The following MYO3A variants were observed in gnomAD, a reference collection of about 807,000 sequenced individuals.
MYO3A encodes the protein myosin IIIA, also known as myosin-IIIa.
Under a neutral mutation model 192.7 loss-of-function variants are expected in MYO3A, and 180 were observed. The ratio of observed to expected loss-of-function variants is 0.93; its 90% confidence interval spans 0.83 to 1.06. MYO3A has a LOEUF of 1.06. MYO3A is among the 50% of genes least tolerant of loss of function. The pLI is 0.00. For synonymous variants in MYO3A, 628 were observed against 645.3 expected, an observed-to-expected ratio of 0.97 and a Z score of 0.41; for missense variants, 1,896 against 1,905.0, an observed-to-expected ratio of 1.00 and a Z score of 0.09.
intron 4 of MYO3A, among the ~76,000 whole-genome samples, chr10:25,957,468 T>C (rs1837626931): frequency 6.6e-6 from 1 of 152,188 alleles, no homozygotes; most frequent in Non-Finnish European, 1.5e-5. Context: ...TATGTCTTTA[T>C]CAGCAGTGTG....
chr10:25,971,850 G>A (rs1367020931), intron 4 of MYO3A, among the ~76,000 whole-genome samples: 1 of 151,872 alleles, frequency 6.6e-6, no homozygotes, highest in Non-Finnish European at 1.5e-5. Flanking sequence ...TTTTGTTTGT[G>A]TGTTTGTTTG....
chr10:26,041,613 A>C (rs1843352660), intron 10 of MYO3A, among the ~76,000 whole-genome samples: 1 of 151,922 alleles, frequency 6.6e-6, no homozygotes. Context: ...ATTTGAGGCC[A>C]CCACAAGGCT....
chr10:26,026,794 C>T (rs937921629), intron 10 of MYO3A, among the ~76,000 whole-genome samples: 14 of 152,228 alleles, frequency 9.2e-5, no homozygotes, highest in African/African-American at 2.2e-4. Context: ...CTCCACCTCC[C>T]GGGTTCAAGC....
At chr10:25,947,851 G>T (rs1438873005) in intron 2 of MYO3A, among the ~76,000 whole-genome samples, 1 of 152,134 alleles carries the variant, frequency 6.6e-6, no homozygotes, top group South Asian at 2.1e-4. Context: ...AGTCTTTGAA[G>T]TACATCAGTG....
intron 6 of MYO3A, among the ~76,000 whole-genome samples, chr10:26,005,915 G>T (rs1420575826): frequency 6.6e-6 from 1 of 152,020 alleles, no homozygotes; most frequent in African/African-American, 2.4e-5. Flanking sequence ...TACCTTATTT[G>T]AAAGGCAAGG....
At chr10:26,077,824 T>A (rs1410367576) in intron 14 of MYO3A, among the ~76,000 whole-genome samples, 2 of 152,120 alleles carry the variant, frequency 1.3e-5, no homozygotes, top group Non-Finnish European at 2.9e-5. Context: ...TGTGAAACCA[T>A]CCCTGCATCC....
intron 31 of MYO3A, among the ~76,000 whole-genome samples, chr10:26,183,334 C>T (rs1454217433): frequency 6.6e-6 from 1 of 152,132 alleles, no homozygotes; most frequent in Non-Finnish European, 1.5e-5. Context: ...ACCATCCTGG[C>T]TAACAAGGTG....
intron 17 of MYO3A, among the ~76,000 whole-genome samples, chr10:26,108,209 G>C (rs1837948747): frequency 6.6e-6 from 1 of 152,162 alleles, no homozygotes; most frequent in Admixed American, 6.5e-5. Flanking sequence ...CTCTAAATGT[G>C]AATCAGGCTT....
chr10:26,112,208 A>G (rs1294840606), intron 17 of MYO3A, among the ~76,000 whole-genome samples: 1 of 152,340 alleles, frequency 6.6e-6, no homozygotes, highest in Non-Finnish European at 1.5e-5. Flanking sequence ...ACATCTAAAC[A>G]TATAGCTTAG....
At chr10:25,986,743 C>T (rs1004253100) in intron 4 of MYO3A, among the ~76,000 whole-genome samples, 4 of 152,162 alleles carry the variant, frequency 2.6e-5, no homozygotes, top group African/African-American at 9.7e-5. Flanking sequence ...ACAACCGATG[C>T]TCATGGATAT....
intron 4 of MYO3A, among the ~76,000 whole-genome samples, chr10:25,976,324 G>T (rs1410070886): frequency 6.6e-6 from 1 of 152,090 alleles, no homozygotes; most frequent in Admixed American, 6.5e-5. Flanking sequence ...AGTGAAAACG[G>T]GAATGAATAT....
chr10:26,067,135 CACGGGT>C (rs1196996100), intron 11 of MYO3A, 61 bp downstream of exon 11: 1 of 1,146,806 alleles, frequency 8.7e-7, no homozygotes, highest in Non-Finnish European at 1.3e-6. Context: ...TTATAGAAGA[CACGGGT>C]ATTGGTAGAA....
At chr10:26,010,752 G>A (rs771265195) in intron 6 of MYO3A, among the ~76,000 whole-genome samples, 24 of 151,968 alleles carry the variant, frequency 1.6e-4, no homozygotes, top group Non-Finnish European at 7.4e-5. Context: ...ATGAGCCACC[G>A]CACCCCGCCA....
intron 31 of MYO3A, among the ~76,000 whole-genome samples, chr10:26,190,715 G>C (rs1052646751): frequency 6.6e-6 from 1 of 152,100 alleles, no homozygotes; most frequent in Admixed American, 6.6e-5. Context: ...AATGATGAAG[G>C]GTCAGAGACA....
At position 26,174,473 on chromosome 10, in the gene MYO3A, C is replaced by T; in HGVS notation, c.4209C>T (p.Ile1403=). The change falls in exon 30 of 35, where the codon ATC becomes ATT. Residue 1403 remains isoleucine (I), a synonymous_variant. Coordinates refer to ENST00000642920, the MANE Select transcript of MYO3A (RefSeq NM_017433.5). Reference sequence around the variant, plus strand: ...CCTATCCCACAAAACATGAGGAAATCAATAACATCAAGAAGAAGGATAACA... The same window carrying T: ...CCTATCCCACAAAACATGAGGAAATTAATAACATCAAGAAGAAGGATAACA... ...LYSYPTKHEE[I]NNIKKKDNKD... The T allele has an allele frequency of 6.2e-7, 1 of 1,613,984 alleles. No individual in the cohort carries two copies.
chr10:26,082,657 A>G (rs965974251), intron 14 of MYO3A, among the ~76,000 whole-genome samples: 6 of 152,244 alleles, frequency 3.9e-5, no homozygotes, highest in African/African-American at 7.2e-5. Flanking sequence ...TAAATTATAA[A>G]TTAGGCACAA....
At position 26,067,027 on chromosome 10, in the gene MYO3A, A is replaced by C; in HGVS notation, c.1006A>C (p.Asn336His). 6.2e-7 allele frequency: 1 copy of C among 1,613,258 alleles called. No homozygotes were observed. Among genetic ancestry groups the C allele is most frequent in the East Asian group, 2.2e-5 (1 of 44,824 alleles). ...GAACTTCAACCGACCTCTAATATCC[A>C]ATCTGAAGGATGTAGATGATTTAGC... ...KGNFNRPLIS[N>H]LKDVDDLATL... The change falls in exon 11 of 35, where the codon AAT (asparagine) becomes CAT (histidine). Residue 336 changes from asparagine (N) to histidine (H), a missense_variant. Asn to His is a moderately conservative substitution (Grantham distance 68). Coordinates refer to ENST00000642920, the MANE Select transcript of MYO3A (RefSeq NM_017433.5).
intron 6 of MYO3A, among the ~76,000 whole-genome samples, chr10:26,013,514 T>C (rs1841801467): frequency 6.6e-6 from 1 of 151,950 alleles, no homozygotes; most frequent in Non-Finnish European, 1.5e-5. Context: ...CATGAAAAAC[T>C]GTTCAACATC....
At chr10:26,142,052 A>C (rs1840194660) in intron 20 of MYO3A, among the ~76,000 whole-genome samples, 1 of 152,288 alleles carries the variant, frequency 6.6e-6, no homozygotes, top group South Asian at 2.1e-4. Flanking sequence ...TATGTTACTC[A>C]CATTATTTCA....
Sources: gnomAD v4.1 joint callset for allele counts (sites outside exome capture counted in the v4.1 genomes callset) on GRCh38, gnomAD v4.1.1 for gene constraint, MANE v1.5 for transcripts, NCBI Gene and HGNC (gene_info 2026-07-23, HGNC 2026-07-21) for gene names.